The following CAPRIN1 variants were observed in gnomAD, a reference collection of about 807,000 sequenced individuals.
CAPRIN1 encodes the protein cell cycle associated protein 1, also known as caprin-1.
A neutral mutation model predicts 100.9 loss-of-function variants in CAPRIN1; 29 were observed. The observed-to-expected ratio is 0.29, with a 90% CI of 0.21 to 0.39. CAPRIN1 has a LOEUF of 0.39. Among genes scored for constraint, CAPRIN1 ranks in the 10% least tolerant of loss-of-function variants. The pLI is 1.00. For synonymous variants in CAPRIN1, 338 were observed against 307.5 expected (o/e 1.10, Z -1.04); for missense variants, 795 against 876.7 (o/e 0.91, Z 1.18).
intron 15 of CAPRIN1, among the ~76,000 whole-genome samples, chr11:34,093,289 C>T (rs1565097693): frequency 6.6e-6 from 1 of 151,442 alleles, no homozygotes. Context: ...AACTCTGGGG[C>T]TCAAATCCTG....
chr11:34,073,478 C>CA (rs1279160149), intron 4 of CAPRIN1, among the ~76,000 whole-genome samples: 1 of 152,180 alleles, frequency 6.6e-6, no homozygotes, highest in Admixed American at 6.5e-5. Context: ...TGTTTTGAGA[C>CA]AGAGTCTTGC....
chr11:34,062,211 T>C (rs1253780961), intron 2 of CAPRIN1, among the ~76,000 whole-genome samples: 1 of 152,156 alleles, frequency 6.6e-6, no homozygotes, highest in Admixed American at 6.5e-5. Context: ...GTTGAATTTG[T>C]GGAGGGCAAA....
intron 1 of CAPRIN1, 155 bp downstream of exon 1, chr11:34,052,026 C>G (rs1349281195): frequency 1.3e-5 from 2 of 150,452 alleles, no homozygotes; most frequent in Non-Finnish European, 3.0e-5. Context: ...TGCCCCCAAG[C>G]CCCGACCTCT....
chr11:34,065,800 T>C (rs565233326), intron 2 of CAPRIN1, among the ~76,000 whole-genome samples: 12 of 152,360 alleles, frequency 7.9e-5, no homozygotes, highest in Admixed American at 5.9e-4. Context: ...TTTCCTCTTA[T>C]GAGTGCTGTT....
chr11:34,057,511 A>G (rs760917854), intron 2 of CAPRIN1, among the ~76,000 whole-genome samples: 1 of 152,188 alleles, frequency 6.6e-6, no homozygotes, highest in Non-Finnish European at 1.5e-5. Flanking sequence ...TTAAGCATAC[A>G]ATTTGCCAAA....
Position 34,080,713 on chromosome 11 carries a change from C to G in CAPRIN1, c.826+948C>G, listed in dbSNP as rs964733322. Among the ~76,000 whole-genome samples, 3 of 152,184 alleles carry G rather than the reference C, an allele frequency of 2.0e-5. 1 individual carries two copies. The highest frequency in any genetic ancestry group is 2.0e-4 in the Admixed American group (3 of 15,280). The stretch of plus-strand genomic sequence containing the variant: ...ATCAGAGTGCCTGAATTTAAATCTT[C>G]GCTTCAACACTTACTAGCTCTGTAA... On this transcript the variant is annotated intron_variant, in intron 7 of 18. Coordinates refer to ENST00000341394, the MANE Select transcript of CAPRIN1 (RefSeq NM_005898.5).
chr11:34,096,286 C>CCCAA, intron 15 of CAPRIN1, 193 bp from the exon 16 acceptor site: 1 of 464,872 alleles, frequency 2.2e-6, no homozygotes, highest in East Asian at 3.7e-5. Context: ...ATTTTACCCC[C>CCCAA]AATAGCTGAG....
chr11:34,077,592 ATTC>A (rs1401139800), intron 6 of CAPRIN1, among the ~76,000 whole-genome samples: 3 of 152,220 alleles, frequency 2.0e-5, no homozygotes, highest in Non-Finnish European at 4.4e-5. Context: ...CAGGGAATAG[ATTC>A]TTATCTTTGC....
chr11:34,096,018 G>GT (rs745672054), intron 15 of CAPRIN1: 23 of 152,230 alleles, frequency 1.5e-4, no homozygotes, highest in Admixed American at 1.3e-3. Flanking sequence ...GAGTGGTTTT[G>GT]TATGTTTTAC....
chr11:34,077,787 G>A (rs971871456), intron 6 of CAPRIN1, among the ~76,000 whole-genome samples: 8 of 152,140 alleles, frequency 5.3e-5, no homozygotes, highest in Non-Finnish European at 1.2e-4. Context: ...GGAAATGGGT[G>A]CCAGTCCTTG....
At position 34,076,453 on chromosome 11, in the gene CAPRIN1, C is replaced by G; in HGVS notation, c.584C>G (p.Pro195Arg). The G allele has an allele frequency of 6.2e-7, 1 of 1,613,776 alleles. No homozygotes were observed. The highest frequency in any genetic ancestry group is 8.5e-7 in the Non-Finnish European group (1 of 1,179,668). ...LLDEFYKLVD[P>R]ERDMSLRLNE... ...GATGAATTCTATAAGCTAGTAGACCCTGAACGGGACATGAGCTTGAGGTAT... is the reference window on the plus strand; with the variant it reads ...GATGAATTCTATAAGCTAGTAGACCGTGAACGGGACATGAGCTTGAGGTAT... Residue 195 changes from proline (P) to arginine (R), a missense_variant, in exon 5 of 19, where the codon CCT (proline) becomes CGT (arginine). Around this residue, in one of 3 missense-constraint regions of CAPRIN1, gnomAD observed 648 missense variants for 697.9 expected, o/e 0.93. Coordinates refer to ENST00000341394, the MANE Select transcript of CAPRIN1 (RefSeq NM_005898.5).
intron 2 of CAPRIN1, among the ~76,000 whole-genome samples, chr11:34,059,778 A>G (rs537632216): frequency 1.3e-4 from 20 of 150,062 alleles, no homozygotes; most frequent in Middle Eastern, 3.5e-3. Context: ...GCACAGAACT[A>G]TTTACTTGCA....
chr11:34,102,542 A>G lies in CAPRIN1; in HGVS notation c.*3175A>G, dbSNP rs951235604. ...ATCTTCATACCTTTTTCCATTTTGA[A>G]TCCTACAAAAATACTGCAAAAGACT... On this transcript the variant is annotated 3_prime_UTR_variant, in exon 19 of 19. Transcript: ENST00000341394. Among the ~76,000 whole-genome samples, 3 of 152,192 alleles carry G rather than the reference A, an allele frequency of 2.0e-5. No individual in the cohort carries two copies. The highest frequency in any genetic ancestry group is 6.5e-5 in the Admixed American group (1 of 15,272).
intron 2 of CAPRIN1, among the ~76,000 whole-genome samples, chr11:34,060,507 C>T (rs756530389): frequency 8.5e-5 from 13 of 152,070 alleles, no homozygotes; most frequent in Non-Finnish European, 1.9e-4. Context: ...GCCTGGCCCC[C>T]CTCAATACTG....
At chr11:34,062,624 C>CA (rs36059851) in intron 2 of CAPRIN1, among the ~76,000 whole-genome samples, 11 of 100,570 alleles carry the variant, frequency 1.1e-4, no homozygotes, top group Admixed American at 3.2e-4. Context: ...AACTCCGTCT[C>CA]AAAAAAAAAA....
intron 2 of CAPRIN1, among the ~76,000 whole-genome samples, chr11:34,062,560 G>GCTT (rs951081363): frequency 1.3e-5 from 2 of 148,378 alleles, no homozygotes; most frequent in African/African-American, 5.0e-5. Context: ...AGGAGGCAGA[G>GCTT]CTTGCAGTGA....
rs558399868 is a variant in CAPRIN1, at chr11:34,077,843, AT to A, written c.688+1204del. On this transcript the variant is annotated intron_variant, in intron 6 of 18. Transcript: ENST00000341394. ...GAAATAATTTTCTTGGTTTGTTAAC[AT>A]TTACTCTGGTCTGTATTTCTTTGTA... is the stretch of plus-strand genomic sequence containing the variant. Among the ~76,000 whole-genome samples, 589 of 152,198 alleles carry A rather than the reference AT, an allele frequency of 3.9e-3. 3 individuals are homozygous for A. Among genetic ancestry groups the A allele is most frequent in the African/African-American group, 0.013 (554 of 41,532 alleles).
chr11:34,066,671 C>G (rs1323833235), intron 2 of CAPRIN1, among the ~76,000 whole-genome samples: 2 of 150,510 alleles, frequency 1.3e-5, no homozygotes, highest in Non-Finnish European at 3.0e-5. Flanking sequence ...CGGAGTCTCA[C>G]TCTGTTGTCC....
At chr11:34,084,408 GA>G (rs1196831913) in intron 9 of CAPRIN1, among the ~76,000 whole-genome samples, 3 of 152,164 alleles carry the variant, frequency 2.0e-5, no homozygotes, top group African/African-American at 7.2e-5. Flanking sequence ...TATATTTGCT[GA>G]ATTAAAGAAT....
Sources: gnomAD v4.1 joint callset for allele counts (sites outside exome capture counted in the v4.1 genomes callset) on GRCh38, gnomAD v4.1.1 for gene constraint, gnomAD v4.1.1 regional missense constraint, MANE v1.5 for transcripts, NCBI Gene and HGNC (gene_info 2026-07-23, HGNC 2026-07-21) for gene names.